Variants in CMTM7 observed in about 807,000 individuals in gnomAD.
CMTM7 encodes CKLF like MARVEL transmembrane domain containing 7, also known as CKLF-like MARVEL transmembrane domain-containing protein 7.
Under a neutral mutation model 19.3 loss-of-function variants are expected in CMTM7, and 7 were observed. That is an observed-to-expected ratio of 0.36 (90% CI 0.21 to 0.68). The LOEUF is 0.68. Among genes scored for constraint, CMTM7 ranks in the 30% least tolerant of loss-of-function variants. The pLI is 0.60. For missense variants in CMTM7, 193 were observed against 232.6 expected (o/e 0.83, Z 1.11); for synonymous variants, 87 against 99.3 (o/e 0.88, Z 0.74).
chr3:32,446,525 T>G (rs1318266176), intron 2 of CMTM7, among the ~76,000 whole-genome samples: 1 of 152,202 alleles, frequency 6.6e-6, no homozygotes, highest in African/African-American at 2.4e-5. Flanking sequence ...TTCCTCTTCT[T>G]GCCTTAGGTT....
chr3:32,445,398 T>C (rs1696739508), intron 2 of CMTM7, among the ~76,000 whole-genome samples: 2 of 152,224 alleles, frequency 1.3e-5, no homozygotes, highest in Admixed American at 1.3e-4. Flanking sequence ...CATTACTTTG[T>C]TGAGTGTTTT....
intron 1 of CMTM7, among the ~76,000 whole-genome samples, chr3:32,400,450 T>G (rs1299815086): frequency 2.2e-5 from 3 of 135,704 alleles, no homozygotes; most frequent in African/African-American, 8.5e-5. Context: ...CAGGCTGGAG[T>G]GCAGTGGCGC....
intron 1 of CMTM7, among the ~76,000 whole-genome samples, chr3:32,401,999 T>C (rs1696015031): frequency 6.6e-6 from 1 of 152,240 alleles, no homozygotes; most frequent in Non-Finnish European, 1.5e-5. Flanking sequence ...GCAAGGGCAG[T>C]GACGCGGCTC....
chr3:32,426,571 G>A (rs946178722), intron 1 of CMTM7, among the ~76,000 whole-genome samples: 5 of 152,136 alleles, frequency 3.3e-5, no homozygotes, highest in Non-Finnish European at 5.9e-5. Context: ...GGAAGGGGTG[G>A]AGTTACAACT....
At chr3:32,442,993 G>A (rs113550297) in intron 2 of CMTM7, among the ~76,000 whole-genome samples, 2,558 of 152,180 alleles carry the variant, frequency 0.017, 76 homozygotes, top group African/African-American at 0.056. Context: ...TACTCTGAAC[G>A]TCTCATGTAA....
chr3:32,408,732 A>G (rs536945463), intron 1 of CMTM7, among the ~76,000 whole-genome samples: 1 of 152,310 alleles, frequency 6.6e-6, no homozygotes, highest in South Asian at 2.1e-4. Context: ...ATCCTAGTAG[A>G]ATCTTTAAAG....
chr3:32,418,009 A>C (rs2125628880), intron 1 of CMTM7, among the ~76,000 whole-genome samples: 1 of 152,210 alleles, frequency 6.6e-6, no homozygotes, highest in South Asian at 2.1e-4. Context: ...TTTTGTAGAG[A>C]CCAGGTTTCC....
At position 32,418,749 on chromosome 3, in the gene CMTM7, C is replaced by T. The variant is rs550014928; in HGVS notation, c.160-23091C>T. Among the ~76,000 whole-genome samples, 6 of 152,264 alleles carry T rather than the reference C, an allele frequency of 3.9e-5. No homozygotes were observed. In the South Asian group the frequency reaches 1.0e-3, roughly 26 times the overall value. Reference sequence around the variant, plus strand: ...TTTCTGGACTCTGTTTTGCTGCATTCGTCTATTTGTCTAAGCTTTCACCAG... The same window carrying T: ...TTTCTGGACTCTGTTTTGCTGCATTTGTCTATTTGTCTAAGCTTTCACCAG... On this transcript the variant is annotated intron_variant, in intron 1 of 4. Coordinates refer to ENST00000334983, the MANE Select transcript of CMTM7 (RefSeq NM_138410.4).
chr3:32,396,296 A>G (rs1375104917), intron 1 of CMTM7, among the ~76,000 whole-genome samples: 1 of 152,144 alleles, frequency 6.6e-6, no homozygotes, highest in African/African-American at 2.4e-5. Flanking sequence ...ACCTGAGGTC[A>G]GGAGTTCGAG....
chr3:32,435,365 C>T (rs1413112714), intron 1 of CMTM7, among the ~76,000 whole-genome samples: 2 of 152,192 alleles, frequency 1.3e-5, no homozygotes, highest in Non-Finnish European at 2.9e-5. Context: ...GCTTGTGCCA[C>T]TGCACTCCAG....
chr3:32,444,981 T>G (rs1696733322), intron 2 of CMTM7, among the ~76,000 whole-genome samples: 1 of 152,240 alleles, frequency 6.6e-6, no homozygotes, highest in Non-Finnish European at 1.5e-5. Flanking sequence ...TAAATCAATT[T>G]TTTTCTTAAT....
intron 1 of CMTM7, among the ~76,000 whole-genome samples, chr3:32,417,392 T>A (rs672081): frequency 0.42 from 63,867 of 152,144 alleles, 13,683 homozygotes; most frequent in South Asian, 0.47. Flanking sequence ...ATGTTATCAC[T>A]TGGATAATAA....
At chr3:32,438,025 A>T (rs1696623890) in intron 1 of CMTM7, among the ~76,000 whole-genome samples, 1 of 152,240 alleles carries the variant, frequency 6.6e-6, no homozygotes, top group Non-Finnish European at 1.5e-5. Flanking sequence ...AACCCTTTGG[A>T]CAGCATCACT....
intron 1 of CMTM7, among the ~76,000 whole-genome samples, chr3:32,407,575 C>T (rs1221197095): frequency 1.3e-5 from 2 of 152,110 alleles, no homozygotes; most frequent in African/African-American, 2.4e-5. Flanking sequence ...TGGGGGCCTT[C>T]GTGACACATA....
At chr3:32,403,377 C>T (rs1049699517) in intron 1 of CMTM7, among the ~76,000 whole-genome samples, 4 of 152,094 alleles carry the variant, frequency 2.6e-5, no homozygotes, top group Admixed American at 6.6e-5. Context: ...CAGGCCACCA[C>T]GCCTGTCTAA....
At chr3:32,436,458 CATTTACAA>C (rs1364076778) in intron 1 of CMTM7, among the ~76,000 whole-genome samples, 2 of 152,212 alleles carry the variant, frequency 1.3e-5, no homozygotes, top group Non-Finnish European at 2.9e-5. Context: ...GGCCCACTAA[CATTTACAA>C]ATGCAGGTTC....
At chr3:32,411,403 A>AT (rs1311112270) in intron 1 of CMTM7, among the ~76,000 whole-genome samples, 5 of 152,142 alleles carry the variant, frequency 3.3e-5, no homozygotes, top group African/African-American at 9.7e-5. Flanking sequence ...TATCCCTAAA[A>AT]TTTTTTTACA....
chr3:32,424,425 C>T (rs78152287), intron 1 of CMTM7, among the ~76,000 whole-genome samples: 4,009 of 152,238 alleles, frequency 0.026, 80 homozygotes, highest in East Asian at 0.084. Context: ...ATTATACTTC[C>T]TGATGGGGAG....
chr3:32,451,914 C>T (rs1185225665), intron 3 of CMTM7: 1 of 430,930 alleles, frequency 2.3e-6, no homozygotes, highest in Non-Finnish European at 4.3e-6. Flanking sequence ...AAGGCCTCGG[C>T]TTCTGGCTCT....
Sources: gnomAD v4.1 joint callset for allele counts (sites outside exome capture counted in the v4.1 genomes callset) on GRCh38, gnomAD v4.1.1 for gene constraint, MANE v1.5 for transcripts, NCBI Gene and HGNC (gene_info 2026-07-23, HGNC 2026-07-21) for gene names.